The following GTF2E2 variants were observed in gnomAD, a reference collection of about 807,000 sequenced individuals.
GTF2E2 encodes the protein general transcription factor IIE subunit 2, also known as transcription initiation factor IIE subunit beta.
GTF2E2 carries 21 observed loss-of-function variants against 40.5 expected under a neutral mutation model. The ratio of observed to expected loss-of-function variants is 0.52; its 90% confidence interval spans 0.37 to 0.75. The LOEUF (loss-of-function observed/expected upper bound fraction) is 0.75. Among genes scored for constraint, GTF2E2 ranks in the 30% least tolerant of loss-of-function variants. The pLI is 0.00. For synonymous variants in GTF2E2, 117 were observed against 121.6 expected (o/e 0.96, Z 0.25); for missense variants, 298 against 338.4 (o/e 0.88, Z 0.94).
chr8:30,656,738 G>T (rs910220025), intron 1 of GTF2E2: 8 of 149,658 alleles, frequency 5.3e-5, no homozygotes, highest in African/African-American at 2.0e-4. Context: ...AACCAGGGAC[G>T]TGGAGCTTGC....
intron 6 of GTF2E2, among the ~76,000 whole-genome samples, chr8:30,588,835 G>A (rs754586024): frequency 6.6e-6 from 1 of 152,178 alleles, no homozygotes; most frequent in Non-Finnish European, 1.5e-5. Flanking sequence ...ACCCATTTAA[G>A]ACTTCTGACC....
intron 6 of GTF2E2, 70 bp downstream of exon 6, chr8:30,606,987 T>C: frequency 1.7e-6 from 1 of 586,644 alleles, no homozygotes; most frequent in South Asian, 2.7e-5. Flanking sequence ...AATTGTATTA[T>C]AAATATTAAT....
intron 2 of GTF2E2, among the ~76,000 whole-genome samples, chr8:30,636,708 A>T (rs1405801067): frequency 1.3e-5 from 2 of 152,200 alleles, no homozygotes; most frequent in Non-Finnish European, 2.9e-5. Context: ...TCTACCAAAA[A>T]TACAAAAATT....
chr8:30,588,349 C>T (rs1310645462), intron 6 of GTF2E2, among the ~76,000 whole-genome samples: 1 of 151,902 alleles, frequency 6.6e-6, no homozygotes, highest in Non-Finnish European at 1.5e-5. Context: ...GAACGGATAA[C>T]AAAAATATAA....
chr8:30,618,324 T>C (rs528299571), intron 3 of GTF2E2, among the ~76,000 whole-genome samples: 3 of 152,152 alleles, frequency 2.0e-5, no homozygotes, highest in Admixed American at 1.3e-4. Context: ...ATAGTGAATA[T>C]GTGGACTGAC....
intron 2 of GTF2E2, among the ~76,000 whole-genome samples, chr8:30,643,271 G>A (rs772916810): frequency 2.6e-5 from 4 of 152,144 alleles, no homozygotes; most frequent in Non-Finnish European, 2.9e-5. Context: ...CTAGGTGAAC[G>A]ATGCCTTGAA....
At chr8:30,626,140 C>CA (rs1801264709) in intron 3 of GTF2E2, among the ~76,000 whole-genome samples, 1 of 152,160 alleles carries the variant, frequency 6.6e-6, no homozygotes, top group Admixed American at 6.5e-5. Context: ...CACCAAGAGT[C>CA]AACTGCTTCT....
At chr8:30,606,280 T>C (rs1829313643) in intron 6 of GTF2E2, among the ~76,000 whole-genome samples, 2 of 152,208 alleles carry the variant, frequency 1.3e-5, no homozygotes, top group Non-Finnish European at 1.5e-5. Context: ...TCAGGGAAAC[T>C]AAAGCCCTAT....
chr8:30,654,000 G>A (rs1428004525), intron 1 of GTF2E2, among the ~76,000 whole-genome samples: 1 of 151,232 alleles, frequency 6.6e-6, no homozygotes, highest in Non-Finnish European at 1.5e-5. Flanking sequence ...GAAGTGGGAG[G>A]ATCACTTCAG....
At chr8:30,596,412 C>T (rs558342160) in intron 6 of GTF2E2, among the ~76,000 whole-genome samples, 1 of 152,284 alleles carries the variant, frequency 6.6e-6, no homozygotes, top group South Asian at 2.1e-4. Context: ...CATTTTTCAC[C>T]TATGTTACTG....
intron 6 of GTF2E2, among the ~76,000 whole-genome samples, chr8:30,582,233 A>G (rs1828536505): frequency 6.6e-6 from 1 of 152,142 alleles, no homozygotes; most frequent in South Asian, 2.1e-4. Flanking sequence ...CATGTTGCCT[A>G]GGCTGGGCTC....
At chr8:30,613,578 T>C (rs1463221647) in intron 4 of GTF2E2, among the ~76,000 whole-genome samples, 1 of 152,246 alleles carries the variant, frequency 6.6e-6, no homozygotes, top group African/African-American at 2.4e-5. Context: ...GTTGGTAGTC[T>C]ATGAATTCTC....
intron 3 of GTF2E2, among the ~76,000 whole-genome samples, chr8:30,619,529 T>C (rs552109732): frequency 4.0e-5 from 6 of 151,818 alleles, no homozygotes; most frequent in Middle Eastern, 3.4e-3. Context: ...GCTGGGACTA[T>C]ACGCGTGCAC....
At chr8:30,627,980 T>A (rs1296745069) in intron 3 of GTF2E2, among the ~76,000 whole-genome samples, 1 of 152,234 alleles carries the variant, frequency 6.6e-6, no homozygotes, top group Admixed American at 6.5e-5. Context: ...AGACATTGGA[T>A]TTCAAAGGAA....
At chr8:30,634,178 T>C (rs1430575935) in intron 3 of GTF2E2, among the ~76,000 whole-genome samples, 1 of 152,340 alleles carries the variant, frequency 6.6e-6, no homozygotes, top group South Asian at 2.1e-4. Context: ...TCAGGCATAG[T>C]GGCTCATGCC....
At chr8:30,639,803 A>G (rs1318249452) in intron 2 of GTF2E2, among the ~76,000 whole-genome samples, 1 of 150,510 alleles carries the variant, frequency 6.6e-6, no homozygotes, top group Non-Finnish European at 1.5e-5. Context: ...TCCTTTTCTT[A>G]GTCGGCATTC....
intron 2 of GTF2E2, among the ~76,000 whole-genome samples, chr8:30,653,124 G>A (rs1374015212): frequency 6.6e-6 from 1 of 152,188 alleles, no homozygotes; most frequent in Non-Finnish European, 1.5e-5. Flanking sequence ...AAATTGGACT[G>A]TAATAACAGC....
intron 1 of GTF2E2, 103 bp from the exon 2 acceptor site, chr8:30,653,705 T>C: frequency 2.7e-6 from 2 of 753,390 alleles, no homozygotes; most frequent in South Asian, 3.3e-5. Flanking sequence ...AAAATTACCT[T>C]TTATTATTAG....
chr8:30,595,457 T>C (rs1312909626), intron 6 of GTF2E2, among the ~76,000 whole-genome samples: 1 of 152,226 alleles, frequency 6.6e-6, no homozygotes, highest in Non-Finnish European at 1.5e-5. Context: ...TCCTTTAATA[T>C]TTCCAGTAGT....
Sources: allele counts gnomAD v4.1 joint callset (sites outside exome capture counted in the v4.1 genomes callset), GRCh38; gene constraint gnomAD v4.1.1; transcripts MANE v1.5; gene names NCBI Gene and HGNC (gene_info 2026-07-23, HGNC 2026-07-21).